CCPG1: variants seen among roughly 807,000 people sequenced by gnomAD.
CCPG1 encodes the protein cell cycle progression protein 1.
In CCPG1, 46 loss-of-function variants were observed where a neutral mutation model predicts 81.3. The ratio of observed to expected loss-of-function variants is 0.57; its 90% CI spans 0.45 to 0.72. The LOEUF is 0.72. Ranked by LOEUF, CCPG1 falls within the 30% of genes least tolerant of loss-of-function variation. The pLI is 0.00. For missense variants in CCPG1, 902 were observed against 937.6 expected, an observed-to-expected ratio of 0.96 and a Z score of 0.50; for synonymous variants, 330 against 305.2, an observed-to-expected ratio of 1.08 and a Z score of -0.85.
chr15:55,356,764 T>C (rs3743203), intron 8 of CCPG1: 192,800 of 1,010,498 alleles, frequency 0.19, 19,728 homozygotes, highest in East Asian at 0.53. Context: ...CAGAAATACA[T>C]ACACATCTCT....
In CCPG1 at chr15:55,356,103, A is replaced by G; in HGVS notation, c.*117T>C. 1.3e-6 allele frequency: 1 copy of G among 770,694 alleles called. No homozygotes were observed. Among genetic ancestry groups the G allele is most frequent in the African/African-American group, 1.8e-5 (1 of 55,814 alleles). 47.7% of individuals were successfully genotyped at this position (770,694 alleles called of 1,614,324 possible). On this transcript the variant is annotated 3_prime_UTR_variant, in exon 9 of 9. Coordinates refer to ENST00000442196, the MANE Select transcript of CCPG1 (RefSeq NM_001204450.2). The stretch of plus-strand genomic sequence containing the variant: ...AATAATATAAAGTTATCAAACTGAT[A>G]CTTAGAAACAAAAGAAAAGACATTG...
rs1427387691 is a variant in CCPG1 at position 55,388,741 on chromosome 15, G to T, written c.60+624C>A. The stretch of plus-strand genomic sequence containing the variant: ...GAACAGCCACTGCACTCTAGCCTGG[G>T]CAACAGAGCAAGATCCTGTCCCTTT... On this transcript the variant is annotated intron_variant, in intron 2 of 8. Coordinates refer to ENST00000442196, the MANE Select transcript of CCPG1 (RefSeq NM_001204450.2). Among the ~76,000 whole-genome samples the T allele has an allele frequency of 2.0e-5, 3 of 151,300 alleles. No homozygotes were observed. The East Asian group carries it at 5.8e-4, about 29-fold the overall frequency.
chr15:55,395,760 T>G lies in CCPG1; in HGVS notation c.-9-6327A>C, dbSNP rs796918345. Among the ~76,000 whole-genome samples, 17 of 152,304 alleles carry G rather than the reference T, an allele frequency of 1.1e-4. 1 individual carries two copies. Among genetic ancestry groups the G allele is most frequent in the African/African-American group, 4.1e-4 (17 of 41,576 alleles). Reference sequence around the variant, plus strand: ...TGCTTGTTTACCAGCCTATAATGTATTCCCAACACATATTGAATGAATGCT... The same window carrying G: ...TGCTTGTTTACCAGCCTATAATGTAGTCCCAACACATATTGAATGAATGCT... On this transcript the variant is annotated intron_variant, in intron 1 of 8. Transcript: ENST00000442196.
intron 1 of CCPG1, among the ~76,000 whole-genome samples, chr15:55,400,203 CAA>C (rs61331208): frequency 2.4e-4 from 8 of 32,948 alleles, no homozygotes; most frequent in Admixed American, 4.6e-4. Flanking sequence ...TACTCTACCT[CAA>C]AAAAAAAAAA....
At chr15:55,372,832 A>G (rs550848942) in intron 5 of CCPG1, 32 of 423,306 alleles carry the variant, frequency 7.6e-5, no homozygotes, top group Non-Finnish European at 1.4e-4. Context: ...TAAAATAACT[A>G]CCAAAAGTTT....
rs2056066435 is a variant in CCPG1 at position 55,355,771 on chromosome 15, C to G, written c.*449G>C. On this transcript the variant is annotated 3_prime_UTR_variant, in exon 9 of 9. Coordinates refer to ENST00000442196, the MANE Select transcript of CCPG1 (RefSeq NM_001204450.2). ...ACAAGTCAGAGGGCTCTTGAACCCACAAAAAGACAAGAAGTGAGTGTAAGA... is the reference window on the plus strand; with the variant it reads ...ACAAGTCAGAGGGCTCTTGAACCCAGAAAAAGACAAGAAGTGAGTGTAAGA... 1 of 223,686 alleles carries G rather than the reference C, an allele frequency of 4.5e-6. No homozygotes were observed. 13.9% of individuals were successfully genotyped at this position (223,686 alleles called of 1,614,324 possible).
rs183159976 is a variant in CCPG1, at chr15:55,374,743, G to T, written c.454+2206C>A. Reference sequence around the variant, plus strand: ...CCTCCTGGGTTCAAGAGATTCTCCTGCCTCAGCCTCCAGAGTAGCTGGGAT... The same window carrying T: ...CCTCCTGGGTTCAAGAGATTCTCCTTCCTCAGCCTCCAGAGTAGCTGGGAT... On this transcript the variant is annotated intron_variant, in intron 5 of 8. Coordinates refer to ENST00000442196, the MANE Select transcript of CCPG1 (RefSeq NM_001204450.2). Among the ~76,000 whole-genome samples, 493 of 152,294 alleles carry T rather than the reference G, an allele frequency of 3.2e-3. 7 individuals are homozygous for T. Among genetic ancestry groups the T allele is most frequent in the African/African-American group, 0.012 (479 of 41,550 alleles).
intron 1 of CCPG1, among the ~76,000 whole-genome samples, chr15:55,404,347 A>C (rs1381453602): frequency 1.3e-5 from 2 of 152,190 alleles, no homozygotes; most frequent in Non-Finnish European, 2.9e-5. Flanking sequence ...GTAGCCAAAA[A>C]AAAGAAAAAT....
rs953867256 is a variant in CCPG1 at position 55,365,219 on chromosome 15, T to C, written c.797A>G (p.Gln266Arg). 2.0e-6 allele frequency: 3 copies of C among 1,488,680 alleles called. No homozygotes were observed. Among genetic ancestry groups the C allele is most frequent in the Non-Finnish European group, 2.8e-6 (3 of 1,075,932 alleles). 92.2% of individuals were successfully genotyped at this position (1,488,680 alleles called of 1,614,324 possible). The change falls in exon 7 of 9, where the codon CAA becomes CGA. Residue 266 changes from glutamine (Q) to arginine (R), a missense_variant. This residue lies in a region of CCPG1 where 746 missense variants were observed against 728.6 expected (regional missense o/e 1.02). Transcript: ENST00000442196. ...NDMKDYLSQCQQEQESFIDYK... is the reference protein window; with the variant it reads ...NDMKDYLSQCRQEQESFIDYK... ...ATCTATAAAAGATTCTTGTTCCTGT[T>C]GACACTGGGAAAGATAATCCTTCAT... is the stretch of plus-strand genomic sequence containing the variant.
At chr15:55,380,724 G>T (rs921591230) in intron 3 of CCPG1, among the ~76,000 whole-genome samples, 8 of 151,902 alleles carry the variant, frequency 5.3e-5, no homozygotes, top group African/African-American at 1.7e-4. Flanking sequence ...TACTCGGCCG[G>T]GGTGCTGGGG....
At chr15:55,391,514 T>C (rs2056913216) in intron 1 of CCPG1, among the ~76,000 whole-genome samples, 1 of 151,628 alleles carries the variant, frequency 6.6e-6, no homozygotes, top group Admixed American at 6.6e-5. Flanking sequence ...ATGAGAATCA[T>C]GTTTATAATA....
At chr15:55,392,447 G>A (rs1045750869) in intron 1 of CCPG1, among the ~76,000 whole-genome samples, 1 of 151,480 alleles carries the variant, frequency 6.6e-6, no homozygotes, top group Non-Finnish European at 1.5e-5. Flanking sequence ...TCCATCTCCT[G>A]ACATCATGAT....
intron 3 of CCPG1, among the ~76,000 whole-genome samples, chr15:55,383,698 G>A (rs569797973): frequency 4.2e-4 from 64 of 152,232 alleles, no homozygotes; most frequent in Admixed American, 3.4e-3. Flanking sequence ...TTTATGTTAC[G>A]GACATAGCTT....
chr15:55,376,502 T>C (rs772697803), intron 5 of CCPG1, among the ~76,000 whole-genome samples: 1 of 152,238 alleles, frequency 6.6e-6, no homozygotes, highest in African/African-American at 2.4e-5. Flanking sequence ...TCACATATGG[T>C]AGGTACTCAA....
At chr15:55,387,758 T>A (rs2056830204) in intron 2 of CCPG1, among the ~76,000 whole-genome samples, 1 of 150,484 alleles carries the variant, frequency 6.6e-6, no homozygotes, top group South Asian at 2.2e-4. Context: ...TTGGTCAGGC[T>A]GGTGTCGAAC....
intron 1 of CCPG1, among the ~76,000 whole-genome samples, chr15:55,395,622 C>A (rs536367104): frequency 2.6e-5 from 4 of 152,180 alleles, no homozygotes; most frequent in African/African-American, 9.6e-5. Flanking sequence ...CGAAACTCCT[C>A]TGCTTGTCTC....
At chr15:55,377,719 A>C (rs2056596443) in intron 4 of CCPG1, among the ~76,000 whole-genome samples, 1 of 152,238 alleles carries the variant, frequency 6.6e-6, no homozygotes, top group Non-Finnish European at 1.5e-5. Context: ...TTCATGCAGC[A>C]TCCAGCCTTT....
intron 6 of CCPG1, among the ~76,000 whole-genome samples, chr15:55,366,114 C>T (rs934262904): frequency 2.6e-5 from 4 of 152,076 alleles, no homozygotes; most frequent in African/African-American, 9.7e-5. Flanking sequence ...TTAAAACACA[C>T]AGGCCAGCCC....
Position 55,371,925 on chromosome 15 carries a change from C to G in CCPG1, c.574G>C (p.Asp192His). The change falls in exon 6 of 9, where the codon GAC (aspartate) becomes CAC (histidine). Residue 192 changes from aspartate to histidine, a missense_variant. By Grantham distance (81) the Asp-to-His change is moderately conservative (BLOSUM62 -1). This residue lies in a region of CCPG1 where 746 missense variants were observed against 728.6 expected (regional missense o/e 1.02). Coordinates refer to ENST00000442196, the MANE Select transcript of CCPG1 (RefSeq NM_001204450.2). ...GTTTCTTGTTCAGCAACTAGCCGGT[C>G]TTCAGATTCTGAAGCAGAAACGGTC... ...KKTVSASESEDRLVAEQETEP... is the reference protein window; with the variant it reads ...KKTVSASESEHRLVAEQETEP... 6.2e-7 allele frequency: 1 copy of G among 1,614,204 alleles called. No individual in the cohort carries two copies. The highest frequency in any genetic ancestry group is 8.5e-7 in the Non-Finnish European group (1 of 1,180,034).
Sources: allele counts gnomAD v4.1 joint callset (sites outside exome capture counted in the v4.1 genomes callset), GRCh38; gene constraint gnomAD v4.1.1; regional missense constraint gnomAD v4.1.1; transcripts MANE v1.5; gene names NCBI Gene and HGNC (gene_info 2026-07-23, HGNC 2026-07-21).